The following DHTKD1 variants were observed in gnomAD, a reference collection of about 807,000 sequenced individuals.
The protein encoded by DHTKD1 is 2-oxoadipate dehydrogenase complex component E1.
DHTKD1 carries 78 observed loss-of-function variants against 101.8 expected under a neutral mutation model. The observed-to-expected ratio is 0.77, with a 90% CI of 0.64 to 0.93. The LOEUF (loss-of-function observed/expected upper bound fraction) is 0.93, where lower values mean the gene tolerates loss of function less well. Ranked by LOEUF, DHTKD1 falls within the 40% of genes least tolerant of loss-of-function variation. DHTKD1 has a pLI of 0.00. For missense variants in DHTKD1, 1,223 were observed against 1,161.7 expected (o/e 1.05, Z -0.77); for synonymous variants, 462 against 450.3 (o/e 1.03, Z -0.33).
intron 13 of DHTKD1, among the ~76,000 whole-genome samples, chr10:12,117,152 G>A (rs925659747): frequency 2.6e-5 from 4 of 152,024 alleles, no homozygotes; most frequent in Admixed American, 6.6e-5. Context: ...ACAGACACCC[G>A]CCATCATGCC....
chr10:12,114,147 A>G (rs939144054), intron 13 of DHTKD1, among the ~76,000 whole-genome samples: 1 of 151,302 alleles, frequency 6.6e-6, no homozygotes, highest in Non-Finnish European at 1.5e-5. Context: ...TTACCTATTT[A>G]TCTGTTAAGT....
chr10:12,081,766 A>G, intron 2 of DHTKD1, 139 bp downstream of exon 2: 1 of 859,974 alleles, frequency 1.2e-6, no homozygotes, highest in Admixed American at 2.8e-5. Context: ...ATGTTGAAGT[A>G]CGGTCCGGGA....
chr10:12,117,812 A>C (rs1833444565), intron 14 of DHTKD1, 57 bp downstream of exon 14: 2 of 862,470 alleles, frequency 2.3e-6, no homozygotes, highest in African/African-American at 3.4e-5. Context: ...TAATGGGAAA[A>C]GTAGTTCACA....
intron 9 of DHTKD1, 96 bp from the exon 10 acceptor site, chr10:12,100,946 C>T (rs1023972073): frequency 2.4e-6 from 3 of 1,276,284 alleles, no homozygotes; most frequent in Non-Finnish European, 3.3e-6. Context: ...AAGGAAAATT[C>T]TCAGGATTAA....
chr10:12,107,926 C>A lies in DHTKD1; in HGVS notation c.2065C>A (p.Leu689Ile), dbSNP rs1489790584. The change falls in exon 12 of 17, where the codon CTA becomes ATA. Residue 689 changes from leucine to isoleucine, a missense_variant. Leu to Ile is a conservative substitution (Grantham distance 5, BLOSUM62 2). Transcript: ENST00000263035. This position sits in a 1 kb window ranked among gnomAD's most constrained non-coding sequence, Gnocchi z 4.1. ...FISGGEAKWL[L>I]QSGIVILLPH... ...TTTTCCAGGAGAGGCCAAGTGGCTCCTACAAAGCGGCATCGTCATCCTCCT... is the reference window on the plus strand; with the variant it reads ...TTTTCCAGGAGAGGCCAAGTGGCTCATACAAAGCGGCATCGTCATCCTCCT... The A allele has an allele frequency of 2.5e-6, 4 of 1,613,622 alleles. No individual in the cohort carries two copies.
chr10:12,087,618 C>T lies in DHTKD1; in HGVS notation c.606C>T (p.Phe202=). The T allele has an allele frequency of 6.2e-7, 1 of 1,613,934 alleles. No individual in the cohort carries two copies. Among genetic ancestry groups the T allele is most frequent in the Non-Finnish European group, 8.5e-7 (1 of 1,179,996 alleles). ...GEGAESMMGF[F]HELLKMSAYS... ...GGGCTGAAAGCATGATGGGCTTTTTCCACGAGCTGCTGAAAATGTCGGCCT... is the reference window on the plus strand; with the variant it reads ...GGGCTGAAAGCATGATGGGCTTTTTTCACGAGCTGCTGAAAATGTCGGCCT... Residue 202 remains phenylalanine, a synonymous_variant, in exon 4 of 17, where the codon TTC becomes TTT. Transcript: ENST00000263035. This position sits in a 1 kb window ranked among gnomAD's most constrained non-coding sequence, Gnocchi z 5.2.
chr10:12,075,442 G>A lies in DHTKD1; in HGVS notation c.155-6030G>A, dbSNP rs184856504. On this transcript the variant is annotated intron_variant, in intron 1 of 16. Coordinates refer to ENST00000263035, the MANE Select transcript of DHTKD1 (RefSeq NM_018706.7). ...TTTTTAGTAGAGATGGGGTTTCAGC[G>A]TGTTAGCCAGGATGGTCTCGATCTC... is the stretch of plus-strand genomic sequence containing the variant. Among the ~76,000 whole-genome samples, 6 of 152,160 alleles carry A rather than the reference G, an allele frequency of 3.9e-5. No homozygotes were observed. In the East Asian group the frequency reaches 5.8e-4, roughly 15 times the overall value.
intron 1 of DHTKD1, among the ~76,000 whole-genome samples, chr10:12,077,958 T>G (rs1832759647): frequency 6.6e-6 from 1 of 152,022 alleles, no homozygotes; most frequent in African/African-American, 2.4e-5. Flanking sequence ...AGGGAGCATG[T>G]GTTGCCAGGG....
chr10:12,089,195 A>G lies in DHTKD1; in HGVS notation c.927A>G (p.Gln309=), dbSNP rs776484993. The G allele has an allele frequency of 1.3e-5, 21 of 1,614,194 alleles. No individual in the cohort carries two copies. The highest frequency in any genetic ancestry group is 1.7e-5 in the Non-Finnish European group (20 of 1,180,046). The change falls in exon 5 of 17, where the codon CAA becomes CAG. Residue 309 remains glutamine (Q), a synonymous_variant. Transcript: ENST00000263035. ...CTCGCGGCAGGCAGCAGTCTCGCCA[A>G]GACGGCGATTACTCTCCAGACAACT... The part of the protein sequence containing the change: ...GKTRGRQQSR[Q]DGDYSPDNSA...
At chr10:12,071,264 G>A (rs1832646202) in intron 1 of DHTKD1, among the ~76,000 whole-genome samples, 3 of 152,064 alleles carry the variant, frequency 2.0e-5, no homozygotes, top group Admixed American at 2.0e-4. Context: ...TAGTCACATG[G>A]CCACCAGGTT....
At chr10:12,093,130 A>G (rs10906075) in intron 6 of DHTKD1, among the ~76,000 whole-genome samples, 112,531 of 150,432 alleles carry the variant, frequency 0.75, 42,461 homozygotes, top group South Asian at 0.88. Context: ...CACAACTTGC[A>G]CCTCCCGGGT....
chr10:12,084,734 C>G lies in DHTKD1; in HGVS notation c.505C>G (p.Leu169Val). Residue 169 changes from leucine (L) to valine (V), a missense_variant, in exon 3 of 17, where the codon CTA becomes GTA. Transcript: ENST00000263035. ...AGAAGAGCGAAAACATCTGTCGAAA[C>G]TAATGCTGGAATCTCAGGTAAAAAG... Reference protein sequence around the residue: ...TTEERKHLSKLMLESQEFDHF... With the variant: ...TTEERKHLSKVMLESQEFDHF... 1 of 1,613,986 alleles carries G rather than the reference C, an allele frequency of 6.2e-7. No individual in the cohort carries two copies. The highest frequency in any genetic ancestry group is 8.5e-7 in the Non-Finnish European group (1 of 1,179,974).
In DHTKD1 at chr10:12,120,241, A is replaced by G. The variant is rs1833503490; in HGVS notation, c.2632A>G (p.Arg878Gly). 2.8e-5 allele frequency: 45 copies of G among 1,614,008 alleles called. No individual in the cohort carries two copies. Among genetic ancestry groups the G allele is most frequent in the Non-Finnish European group, 3.7e-5 (44 of 1,179,910 alleles). ...NMGPWSFVSPRFEKQLACKLR... is the reference protein window; with the variant it reads ...NMGPWSFVSPGFEKQLACKLR... ...GGGTCCGTGGTCGTTTGTTTCTCCA[A>G]GGTTTGAAAAGCAGCTGGCCTGCAA... The change falls in exon 16 of 17, where the codon AGG becomes GGG. Residue 878 changes from arginine (R) to glycine (G), a missense_variant. Physicochemically the swap from Arg to Gly is moderately radical, Grantham distance 125 (BLOSUM62 -2). Transcript: ENST00000263035.
rs377271668 is a variant in DHTKD1, at chr10:12,084,734, C to T, written c.505C>T (p.Leu169=). The T allele has an allele frequency of 2.5e-6, 4 of 1,613,986 alleles. No individual in the cohort carries two copies. The highest frequency in any genetic ancestry group is 3.4e-6 in the Non-Finnish European group (4 of 1,179,974). Residue 169 remains leucine, a synonymous_variant, in exon 3 of 17, where the codon CTA becomes TTA. Transcript: ENST00000263035. The part of the protein sequence containing the change: ...TTEERKHLSK[L]MLESQEFDHF... ...AGAAGAGCGAAAACATCTGTCGAAACTAATGCTGGAATCTCAGGTAAAAAG... is the reference window on the plus strand; with the variant it reads ...AGAAGAGCGAAAACATCTGTCGAAATTAATGCTGGAATCTCAGGTAAAAAG...
chr10:12,117,438 C>A (rs547153093), intron 13 of DHTKD1, among the ~76,000 whole-genome samples: 4 of 152,086 alleles, frequency 2.6e-5, no homozygotes, highest in African/African-American at 9.6e-5. Flanking sequence ...CCTGCCTTGG[C>A]CTCCCAAAGT....
In DHTKD1 at chr10:12,120,821, C is replaced by T. The variant is rs1216332450; in HGVS notation, c.2693C>T (p.Pro898Leu). The T allele has an allele frequency of 6.2e-7, 1 of 1,614,130 alleles. No homozygotes were observed. The highest frequency in any genetic ancestry group is 1.1e-5 in the South Asian group (1 of 91,086). ...GTGGGCCGGCCCCCTTTGCCAGTAC[C>T]CGCTGTAGGAATTGGCACAGTTCAC... Reference protein sequence around the residue: ...RLVGRPPLPVPAVGIGTVHLH... With the variant: ...RLVGRPPLPVLAVGIGTVHLH... Residue 898 changes from proline (P) to leucine (L), a missense_variant, in exon 17 of 17, where the codon CCC becomes CTC. Pro to Leu is a moderately conservative substitution (Grantham distance 98). Transcript: ENST00000263035.
chr10:12,118,929 G>T lies in DHTKD1; in HGVS notation c.2572+11G>T. 6.6e-7 allele frequency: 1 copy of T among 1,510,930 alleles called. No individual in the cohort carries two copies. The highest frequency in any genetic ancestry group is 8.9e-7 in the Non-Finnish European group (1 of 1,125,590). 93.6% of individuals were successfully genotyped at this position (1,510,930 alleles called of 1,614,324 possible). Reference sequence around the variant, plus strand: ...ACAAACATGTTAAAGGTAAGAGGTTGTTCTCATTTGGGTTTTGATGTTCAG... The same window carrying T: ...ACAAACATGTTAAAGGTAAGAGGTTTTTCTCATTTGGGTTTTGATGTTCAG... On this transcript the variant is annotated intron_variant, in intron 15 of 16. Coordinates refer to ENST00000263035, the MANE Select transcript of DHTKD1 (RefSeq NM_018706.7).
intron 10 of DHTKD1, among the ~76,000 whole-genome samples, chr10:12,104,376 G>A (rs761357290): frequency 1.4e-4 from 21 of 151,866 alleles, no homozygotes; most frequent in Non-Finnish European, 2.2e-4. Context: ...ACAGGGTCTC[G>A]CCACATTGGC....
Position 12,084,625 on chromosome 10 carries a change from T to C in DHTKD1, c.396T>C (p.Ile132=). Residue 132 remains isoleucine, a synonymous_variant, in exon 3 of 17, where the codon ATT becomes ATC. Transcript: ENST00000263035. ...AAATCTACTGTGGGCAGATTTCTAT[T>C]GAAACCTCCCAACTTCAGAGCCAGG... ...LNQIYCGQIS[I]ETSQLQSQDE... is the part of the protein sequence containing the mutation. 8 of 1,613,886 alleles carry C rather than the reference T, an allele frequency of 5.0e-6. No homozygotes were observed. Among genetic ancestry groups the C allele is most frequent in the Non-Finnish European group, 6.8e-6 (8 of 1,179,746 alleles).
Sources: gnomAD v4.1 joint callset for allele counts (sites outside exome capture counted in the v4.1 genomes callset) on GRCh38, gnomAD v4.1.1 for gene constraint, Gnocchi (gnomAD v3.1) non-coding constraint, MANE v1.5 for transcripts, NCBI Gene and HGNC (gene_info 2026-07-23, HGNC 2026-07-21) for gene names.